The following ATRX variants were observed in gnomAD, a reference collection of about 807,000 sequenced individuals.
ATRX encodes the protein chromatin remodeler ATRX.
Under a neutral mutation model 172.6 loss-of-function variants are expected in ATRX, and 12 were observed. The ratio of observed to expected loss-of-function variants is 0.07; its 90% confidence interval spans 0.04 to 0.11. The LOEUF (loss-of-function observed/expected upper bound fraction) is 0.11. ATRX is among the 10% of genes least tolerant of loss of function. The probability of loss-of-function intolerance (pLI) is 1.00; values close to 1 mark genes in which losing one functional copy is unlikely to be tolerated. For synonymous variants in ATRX, 674 were observed against 594.7 expected (o/e 1.13, Z -1.94); for missense variants, 1,368 against 1,767.4 (o/e 0.77, Z 4.05).
chrX:77,785,375 G>A (rs1185676671), intron 1 of ATRX, among the ~76,000 whole-genome samples: 9 of 109,770 alleles, frequency 8.2e-5, no homozygotes, highest in Non-Finnish European at 1.5e-4. Context: ...TAAACCCAAG[G>A]ATATCCTTCA....
chrX:77,744,044 G>A (rs782198286), intron 1 of ATRX, among the ~76,000 whole-genome samples: 4 of 112,710 alleles, frequency 3.5e-5, no homozygotes, highest in South Asian at 7.3e-4. Flanking sequence ...GGCTGGGCAC[G>A]GTGGTTCATG....
chrX:77,657,926 C>T (rs1176635730), intron 12 of ATRX, among the ~76,000 whole-genome samples: 5 of 112,101 alleles, frequency 4.5e-5, no homozygotes, highest in African/African-American at 1.6e-4. Flanking sequence ...GACATATTGA[C>T]GGCTGGGCAT....
intron 2 of ATRX, among the ~76,000 whole-genome samples, chrX:77,709,076 A>G (rs782102078): frequency 9.0e-6 from 1 of 111,118 alleles, no homozygotes; most frequent in Admixed American, 9.6e-5. Flanking sequence ...GTATGGTGGC[A>G]TGTGCCTGTA....
In ATRX at chrX:77,509,165, A is replaced by G. The variant is rs2062783070; in HGVS notation, c.7201-536T>C. On this transcript the variant is annotated intron_variant, in intron 34 of 34. Transcript: ENST00000373344. ...TCAAGCGTAGAAATTTCCAAGTATA[A>G]GGCAGAAGGCTGGCAAACGACTGTG... is the stretch of plus-strand genomic sequence containing the variant. Among the ~76,000 whole-genome samples the G allele has an allele frequency of 4.5e-5, 5 of 112,112 alleles. No individual in the cohort carries two copies. In the Admixed American group the frequency reaches 4.7e-4, roughly 11 times the overall value.
chrX:77,761,264 G>T (rs553289949), intron 1 of ATRX, among the ~76,000 whole-genome samples: 1 of 111,580 alleles, frequency 9.0e-6, no homozygotes, highest in Non-Finnish European at 1.9e-5. Context: ...ATGGCCAGGC[G>T]CAGTGGCTCA....
intron 30 of ATRX, among the ~76,000 whole-genome samples, chrX:77,555,053 C>T (rs2064720498): frequency 8.9e-6 from 1 of 111,925 alleles, no homozygotes; most frequent in African/African-American, 3.3e-5. Context: ...TCAGAGTGTT[C>T]ATTGCCTGGC....
intron 28 of ATRX, among the ~76,000 whole-genome samples, chrX:77,569,625 A>G (rs943390571): frequency 2.7e-5 from 3 of 111,967 alleles, no homozygotes; most frequent in Admixed American, 9.5e-5. Context: ...ACATGGAAAC[A>G]AAAATTAAAA....
intron 1 of ATRX, among the ~76,000 whole-genome samples, chrX:77,735,460 C>T (rs972643039): frequency 1.7e-4 from 19 of 110,968 alleles, no homozygotes; most frequent in African/African-American, 5.2e-4. Context: ...GGCACAGTGA[C>T]GGACGCCTGT....
At position 77,590,051 on chromosome X, in the gene ATRX, T is replaced by C. The variant is rs1351586329; in HGVS notation, c.6111-111A>G. On this transcript the variant is annotated intron_variant, in intron 26 of 34. Coordinates refer to ENST00000373344, the MANE Select transcript of ATRX (RefSeq NM_000489.6). Reference sequence around the variant, plus strand: ...AATTGTAACAAAAATCCCAGCAGGATTTTTTTGTAGAAATTACAAGGTGAT... The same window carrying C: ...AATTGTAACAAAAATCCCAGCAGGACTTTTTTGTAGAAATTACAAGGTGAT... 6 of 672,612 alleles carry C rather than the reference T, an allele frequency of 8.9e-6. No homozygotes were observed. In the African/African-American group the frequency reaches 1.3e-4, roughly 15 times the overall value. The allele number at this position is 672,612 out of a possible 1,213,427, so 55.4% of individuals were successfully genotyped here. A position where few individuals can be genotyped will look rare whatever the true frequency, so the allele number is the denominator to read the frequency against.
intron 9 of ATRX, among the ~76,000 whole-genome samples, chrX:77,681,060 T>G (rs984050424): frequency 5.4e-5 from 6 of 111,104 alleles, no homozygotes; most frequent in Non-Finnish European, 1.1e-4. Context: ...TGAGGTAAAT[T>G]AAAAATAATT....
At chrX:77,691,897 T>C (rs2071911074) in intron 6 of ATRX, among the ~76,000 whole-genome samples, 1 of 111,761 alleles carries the variant, frequency 8.9e-6, no homozygotes, top group African/African-American at 3.3e-5. Flanking sequence ...AAGATGAAAA[T>C]AGATGTGAAA....
chrX:77,720,650 C>A (rs1271800666), intron 1 of ATRX, among the ~76,000 whole-genome samples: 13 of 111,630 alleles, frequency 1.2e-4, no homozygotes, highest in African/African-American at 3.6e-4. Context: ...CCTGAATAAA[C>A]CAATAAAAAG....
In ATRX at chrX:77,596,496, T is replaced by C. The variant is rs183740312; in HGVS notation, c.5957-2647A>G. Reference sequence around the variant, plus strand: ...ATGCTTCTAATATACTATACACGTATATAAGCTACAAAAATATATAAAATA... The same window carrying C: ...ATGCTTCTAATATACTATACACGTACATAAGCTACAAAAATATATAAAATA... On this transcript the variant is annotated intron_variant, in intron 25 of 34. Transcript: ENST00000373344. 6.3e-5 allele frequency: 7 copies of C among 111,334 alleles called. No homozygotes were observed. In the East Asian group the frequency reaches 1.7e-3, roughly 27 times the overall value. The allele number at this position is 111,334 out of a possible 1,213,427, so 9.2% of individuals were successfully genotyped here.
At chrX:77,609,589 T>C (rs1218857755) in intron 22 of ATRX, among the ~76,000 whole-genome samples, 10 of 112,350 alleles carry the variant, frequency 8.9e-5, no homozygotes, top group African/African-American at 1.9e-4. Flanking sequence ...ATTCAAGCGA[T>C]TCTCCTGCTT....
intron 25 of ATRX, chrX:77,596,377 G>A (rs782655779): frequency 3.6e-5 from 4 of 110,450 alleles, no homozygotes; most frequent in South Asian, 3.8e-4. Flanking sequence ...TACCAGCTAC[G>A]TATGTCCATA....
intron 1 of ATRX, among the ~76,000 whole-genome samples, chrX:77,757,204 A>G (rs1478974833): frequency 8.9e-6 from 1 of 111,904 alleles, no homozygotes; most frequent in East Asian, 2.8e-4. Context: ...AGATGTCTAC[A>G]CTAGACATCT....
rs537247380 is a variant in ATRX, at chrX:77,636,510, C to T, written c.4558-454G>A. On this transcript the variant is annotated intron_variant, in intron 15 of 34. Coordinates refer to ENST00000373344, the MANE Select transcript of ATRX (RefSeq NM_000489.6). ...ATATTTCCTGCACAGCCTGCAAAAC[C>T]GTGAGTCAATGAAAACTCTTTTCTT... 3.1e-4 allele frequency among the ~76,000 whole-genome samples: 34 copies of T among 111,067 alleles called. No individual in the cohort carries two copies. In the South Asian group the frequency reaches 0.012, roughly 39 times the overall value.
chrX:77,604,763 C>A (rs782005260), intron 22 of ATRX, among the ~76,000 whole-genome samples: 22 of 112,149 alleles, frequency 2.0e-4, no homozygotes, highest in Non-Finnish European at 3.6e-4. Flanking sequence ...AAGTGTCTAT[C>A]AAAAGATGAA....
At chrX:77,516,829 G>GC (rs781825343) in intron 34 of ATRX, among the ~76,000 whole-genome samples, 4 of 111,483 alleles carry the variant, frequency 3.6e-5, no homozygotes, top group Admixed American at 2.9e-4. Flanking sequence ...CATATATTAG[G>GC]CCACAAAACA....
Sources: allele counts gnomAD v4.1 joint callset (sites outside exome capture counted in the v4.1 genomes callset), GRCh38; gene constraint gnomAD v4.1.1; transcripts MANE v1.5; gene names NCBI Gene and HGNC (gene_info 2026-07-23, HGNC 2026-07-21).